The following PHF14 variants were observed in gnomAD, a reference collection of about 807,000 sequenced individuals.
PHF14 encodes the protein PHD finger protein 14.
Under a neutral mutation model 117.9 loss-of-function variants are expected in PHF14, and 55 were observed. The observed-to-expected ratio is 0.47, with a 90% CI of 0.38 to 0.58. PHF14 has a LOEUF of 0.58. Among genes scored for constraint, PHF14 ranks in the 20% least tolerant of loss-of-function variants. The probability of loss-of-function intolerance (pLI) is 0.00; values close to 1 mark genes in which losing one functional copy is unlikely to be tolerated. For missense variants in PHF14, 978 were observed against 1,122.2 expected, an observed-to-expected ratio of 0.87 and a Z score of 1.84; for synonymous variants, 409 against 368.6, an observed-to-expected ratio of 1.11 and a Z score of -1.26.
chr7:11,112,228 C>T (rs553561145), intron 17 of PHF14, among the ~76,000 whole-genome samples: 22 of 152,178 alleles, frequency 1.4e-4, no homozygotes, highest in African/African-American at 4.6e-4. Flanking sequence ...AAAAAGATGA[C>T]GAAAATTAAC....
chr7:11,083,508 G>A (rs918909311), intron 16 of PHF14, among the ~76,000 whole-genome samples: 1 of 129,856 alleles, frequency 7.7e-6, no homozygotes, highest in African/African-American at 3.0e-5. Context: ...TTGCTCTGTC[G>A]CCCAGGCTGC....
In PHF14 at chr7:11,122,348, T is replaced by C. The variant is rs201679712; in HGVS notation, c.2772+10881T>C. ...TGTACTTTTTATATATATATATATA[T>C]ATATACACACACACACACACACACA... On this transcript the variant is annotated intron_variant, in intron 17 of 17. Coordinates refer to ENST00000634607, the MANE Select transcript of PHF14 (RefSeq NM_001007157.2). 4.0e-3 allele frequency among the ~76,000 whole-genome samples: 247 copies of C among 61,594 alleles called. 4 individuals carry two copies. The highest frequency in any genetic ancestry group is 0.04 in the East Asian group (41 of 1,028). The allele number at this position is 61,594 out of a possible 152,430, so 40.4% of individuals were successfully genotyped here.
intron 16 of PHF14, among the ~76,000 whole-genome samples, chr7:11,096,253 TC>T (rs1411064432): frequency 1.3e-5 from 2 of 152,184 alleles, no homozygotes; most frequent in African/African-American, 4.8e-5. Context: ...AAGAAGATCA[TC>T]CTGCATAATT....
intron 4 of PHF14, among the ~76,000 whole-genome samples, chr7:11,012,089 T>A (rs776707702): frequency 6.6e-6 from 1 of 152,308 alleles, no homozygotes; most frequent in South Asian, 2.1e-4. Flanking sequence ...GGCAGCCTCA[T>A]CAATGCTGAC....
chr7:11,063,614 AGATT>A (rs1206906975), intron 16 of PHF14: 16 of 973,660 alleles, frequency 1.6e-5, no homozygotes, highest in African/African-American at 1.8e-5. Context: ...TTTTAATATG[AGATT>A]GATTGAGGCC....
intron 16 of PHF14, among the ~76,000 whole-genome samples, chr7:11,072,108 C>T (rs1272751418): frequency 6.6e-6 from 1 of 152,174 alleles, no homozygotes; most frequent in Admixed American, 6.5e-5. Flanking sequence ...ATTTAATTGA[C>T]TTACGGCTCT....
chr7:11,133,697 G>A (rs1294026152), intron 17 of PHF14, among the ~76,000 whole-genome samples: 2 of 151,882 alleles, frequency 1.3e-5, no homozygotes, highest in African/African-American at 4.8e-5. Flanking sequence ...TGTCCTTACT[G>A]CACTTTTCAT....
Position 11,052,712 on chromosome 7 carries a change from T to A in PHF14, c.2481+932T>A, listed in dbSNP as rs1784885417. 1.3e-5 allele frequency among the ~76,000 whole-genome samples: 2 copies of A among 152,210 alleles called. 1 individual carries two copies. Among genetic ancestry groups the A allele is most frequent in the South Asian group, 4.1e-4 (2 of 4,834 alleles). ...GTTGCATTTCTCTCAGTACTAATGA[T>A]TTTGTTCATCTATTTACATATTTTT... On this transcript the variant is annotated intron_variant, in intron 14 of 17. Transcript: ENST00000634607.
chr7:11,010,757 T>C (rs1463902859), intron 4 of PHF14, among the ~76,000 whole-genome samples: 2 of 151,962 alleles, frequency 1.3e-5, no homozygotes, highest in African/African-American at 4.8e-5. Flanking sequence ...CTCAAGTGAT[T>C]CTCCCACCTC....
intron 12 of PHF14, 53 bp from the exon 13 acceptor site, chr7:11,042,628 CTG>C: frequency 5.7e-6 from 7 of 1,233,304 alleles, no homozygotes; most frequent in Non-Finnish European, 7.8e-6. Context: ...TATAAGTAAA[CTG>C]TTTCACTATG....
At chr7:11,004,351 CT>C (rs56235368) in intron 4 of PHF14, among the ~76,000 whole-genome samples, 80,209 of 130,550 alleles carry the variant, frequency 0.61, 23,481 homozygotes, top group Middle Eastern at 0.72. Context: ...TTCTTCCAGG[CT>C]TTTTTTTTTT....
intron 14 of PHF14, among the ~76,000 whole-genome samples, chr7:11,052,562 T>C (rs1013863929): frequency 6.6e-6 from 1 of 152,184 alleles, no homozygotes; most frequent in Non-Finnish European, 1.5e-5. Context: ...TAACTGCAAT[T>C]GTTTTCCAAA....
chr7:11,023,789 C>T (rs543384118), intron 6 of PHF14, among the ~76,000 whole-genome samples: 6 of 152,046 alleles, frequency 3.9e-5, no homozygotes, highest in African/African-American at 9.6e-5. Context: ...GATTGCGCCA[C>T]GGCACTCCAG....
chr7:11,030,604 T>G (rs969653550), intron 7 of PHF14, among the ~76,000 whole-genome samples: 1 of 152,156 alleles, frequency 6.6e-6, no homozygotes, highest in Non-Finnish European at 1.5e-5. Context: ...TAGTTTACAT[T>G]CTGTGGTCTG....
chr7:11,137,943 C>CT (rs1220913439), intron 17 of PHF14, among the ~76,000 whole-genome samples: 2 of 151,836 alleles, frequency 1.3e-5, no homozygotes, highest in African/African-American at 4.8e-5. Context: ...ATACCTAGCT[C>CT]TTTCCTTGTA....
rs762381739 is a variant in PHF14 at position 10,974,830 on chromosome 7, C to T, written c.2-5C>T. On this transcript the variant is annotated splice_polypyrimidine_tract_variant and splice_region_variant and intron_variant, in intron 1 of 17. Transcript: ENST00000634607. ...AATGACAATGTAATTTTTTTCTCTT[C>T]ACAGTGGATCGCAGCTCCAAGAGGA... The T allele has an allele frequency of 1.5e-5, 22 of 1,495,716 alleles. No homozygotes were observed. In the East Asian group the frequency reaches 2.3e-4, roughly 16 times the overall value. 92.7% of individuals were successfully genotyped at this position (1,495,716 alleles called of 1,614,324 possible).
intron 4 of PHF14, among the ~76,000 whole-genome samples, chr7:11,010,736 C>T (rs1420751016): frequency 6.6e-6 from 1 of 152,032 alleles, no homozygotes; most frequent in African/African-American, 2.4e-5. Context: ...TGGCACCCTC[C>T]ACATCCCAGG....
chr7:11,133,509 A>G (rs1440591459), intron 17 of PHF14, among the ~76,000 whole-genome samples: 1 of 151,984 alleles, frequency 6.6e-6, no homozygotes, highest in African/African-American at 2.4e-5. Flanking sequence ...GATTGAGACC[A>G]TATCATAAAG....
At chr7:11,126,153 G>A (rs1467109628) in intron 17 of PHF14, among the ~76,000 whole-genome samples, 1 of 152,118 alleles carries the variant, frequency 6.6e-6, no homozygotes, top group Non-Finnish European at 1.5e-5. Context: ...AAGCACAGAT[G>A]TATTGGTAGC....
Sources: allele counts gnomAD v4.1 joint callset (sites outside exome capture counted in the v4.1 genomes callset), GRCh38; gene constraint gnomAD v4.1.1; transcripts MANE v1.5; gene names NCBI Gene and HGNC (gene_info 2026-07-23, HGNC 2026-07-21).